Variants in RBFOX1 observed in about 807,000 individuals in gnomAD.
RBFOX1 encodes RNA binding protein fox-1 homolog 1.
In RBFOX1, 8 loss-of-function variants were observed where a neutral mutation model predicts 57.7. The ratio of observed to expected loss-of-function variants is 0.14; its 90% CI spans 0.08 to 0.25. The LOEUF is 0.25. RBFOX1 is among the 10% of genes least tolerant of loss of function. The pLI, the probability that RBFOX1 is intolerant of heterozygous loss-of-function variation, is 1.00. For synonymous variants in RBFOX1, 326 were observed against 222.4 expected (o/e 1.47, Z -4.15); for missense variants, 611 against 548.5 (o/e 1.11, Z -1.14).
chr16:7,006,829 C>G (rs1031034961), intron 3 of RBFOX1, among the ~76,000 whole-genome samples: 1 of 152,186 alleles, frequency 6.6e-6, no homozygotes, highest in Non-Finnish European at 1.5e-5. Flanking sequence ...GAACCCTCAG[C>G]TCCCAAGCAG....
intron 3 of RBFOX1, among the ~76,000 whole-genome samples, chr16:6,824,370 C>A (rs1404858260): frequency 6.6e-6 from 1 of 152,212 alleles, no homozygotes; most frequent in Non-Finnish European, 1.5e-5. Flanking sequence ...CATGCTACAG[C>A]ATGCTCCAAT....
chr16:6,523,188 T>C (rs915919849), intron 2 of RBFOX1, among the ~76,000 whole-genome samples: 1 of 152,124 alleles, frequency 6.6e-6, no homozygotes, highest in Non-Finnish European at 1.5e-5. Flanking sequence ...CTCATCTCTC[T>C]CTTCTCAGCA....
At chr16:7,089,913 CA>C (rs5815364) in intron 4 of RBFOX1, among the ~76,000 whole-genome samples, 1,807 of 149,992 alleles carry the variant, frequency 0.012, 35 homozygotes, top group African/African-American at 0.032. Context: ...TTTCTGCATT[CA>C]AAAAAAAAAT....
chr16:7,669,316 G>C (rs914824731), intron 13 of RBFOX1, among the ~76,000 whole-genome samples: 2 of 152,116 alleles, frequency 1.3e-5, no homozygotes, highest in Non-Finnish European at 2.9e-5. Context: ...AGACCAAAAA[G>C]TATAGCATTT....
intron 4 of RBFOX1, among the ~76,000 whole-genome samples, chr16:7,413,296 G>T (rs1385384383): frequency 6.6e-6 from 1 of 151,834 alleles, no homozygotes; most frequent in South Asian, 2.1e-4. Context: ...CCTCTCCCCT[G>T]GCCACCCTCC....
intron 4 of RBFOX1, among the ~76,000 whole-genome samples, chr16:7,415,785 A>C (rs4786167): frequency 0.094 from 12,055 of 128,906 alleles, 1,148 homozygotes; most frequent in East Asian, 0.33. Context: ...AGAAAATAAG[A>C]GTATATATAT....
At chr16:5,421,651 A>T (rs2067331092) in intron 1 of RBFOX1, among the ~76,000 whole-genome samples, 2 of 152,246 alleles carry the variant, frequency 1.3e-5, no homozygotes, top group Admixed American at 1.3e-4. Flanking sequence ...GAGGCTCCAG[A>T]GCCAGGCTTA....
chr16:5,938,310 G>A (rs1375186627), intron 4 of RBFOX1, among the ~76,000 whole-genome samples: 2 of 152,148 alleles, frequency 1.3e-5, no homozygotes, highest in South Asian at 2.1e-4. Context: ...TCTGGAGCCA[G>A]TTCTCCTCCA....
At chr16:5,846,562 G>C (rs542778533) in intron 3 of RBFOX1, among the ~76,000 whole-genome samples, 1 of 152,178 alleles carries the variant, frequency 6.6e-6, no homozygotes, top group Admixed American at 6.5e-5. Context: ...TGGGTGACCA[G>C]GTGTACCTGT....
intron 4 of RBFOX1, among the ~76,000 whole-genome samples, chr16:7,259,515 C>T (rs1430576585): frequency 2.0e-5 from 3 of 150,568 alleles, no homozygotes; most frequent in African/African-American, 7.3e-5. Flanking sequence ...ACACTGGGAA[C>T]ATCATTTACT....
chr16:5,811,805 C>G (rs1409713557), intron 3 of RBFOX1, among the ~76,000 whole-genome samples: 5 of 152,128 alleles, frequency 3.3e-5, no homozygotes, highest in Non-Finnish European at 5.9e-5. Flanking sequence ...ATAATATTCA[C>G]CTATTGTTTC....
At chr16:5,413,272 T>C (rs2067072440) in intron 1 of RBFOX1, among the ~76,000 whole-genome samples, 1 of 152,162 alleles carries the variant, frequency 6.6e-6, no homozygotes, top group African/African-American at 2.4e-5. Flanking sequence ...TAACAAGGCA[T>C]CCACAGCATT....
chr16:6,065,740 C>G (rs1443001812), intron 1 of RBFOX1, among the ~76,000 whole-genome samples: 1 of 152,180 alleles, frequency 6.6e-6, no homozygotes, highest in Non-Finnish European at 1.5e-5. Flanking sequence ...CAGACAGTGT[C>G]TCTGTATCAT....
intron 4 of RBFOX1, among the ~76,000 whole-genome samples, chr16:7,206,472 T>C (rs2089995711): frequency 6.7e-6 from 1 of 149,976 alleles, no homozygotes; most frequent in South Asian, 2.1e-4. Flanking sequence ...AATATGCGTG[T>C]GTGCATATAT....
chr16:6,069,214 T>C (rs372653811), intron 1 of RBFOX1, among the ~76,000 whole-genome samples: 1 of 151,502 alleles, frequency 6.6e-6, no homozygotes, highest in Non-Finnish European at 1.5e-5. Context: ...GCCTGACCAA[T>C]ATGGAGAAAC....
chr16:5,731,718 T>C (rs891427232), intron 3 of RBFOX1, among the ~76,000 whole-genome samples: 1 of 152,166 alleles, frequency 6.6e-6, no homozygotes, highest in East Asian at 1.9e-4. Context: ...TAATGGCAAA[T>C]GCAAGAAGAA....
At chr16:6,657,101 TCCTCTCCTCC>T (rs2098663354) in intron 3 of RBFOX1, among the ~76,000 whole-genome samples, 1 of 125,984 alleles carries the variant, frequency 7.9e-6, no homozygotes, top group African/African-American at 3.3e-5. Flanking sequence ...CCCTTTACTC[TCCTCTCCTCC>T]CCTCTCCTCT....
At chr16:6,160,512 C>T (rs1243861326) in intron 1 of RBFOX1, among the ~76,000 whole-genome samples, 2 of 152,088 alleles carry the variant, frequency 1.3e-5, no homozygotes, top group Non-Finnish European at 2.9e-5. Flanking sequence ...GGGCAAACAC[C>T]GTCATCTTTG....
intron 3 of RBFOX1, among the ~76,000 whole-genome samples, chr16:6,987,084 C>G (rs2090453767): frequency 6.6e-6 from 1 of 152,114 alleles, no homozygotes; most frequent in Non-Finnish European, 1.5e-5. Context: ...TCCAAGCGAT[C>G]TATTAGCAGC....
Sources: allele counts gnomAD v4.1 joint callset (sites outside exome capture counted in the v4.1 genomes callset), GRCh38; gene constraint gnomAD v4.1.1; transcripts MANE v1.5; gene names NCBI Gene and HGNC (gene_info 2026-07-23, HGNC 2026-07-21).